ZNF780A: variants seen among roughly 807,000 people sequenced by gnomAD.
ZNF780A encodes the protein zinc finger protein 780A.
Under a neutral mutation model 56.7 loss-of-function variants are expected in ZNF780A, and 40 were observed. That is an observed-to-expected ratio of 0.71 (90% confidence interval 0.55 to 0.92). The LOEUF (loss-of-function observed/expected upper bound fraction) is 0.92. Among genes scored for constraint, ZNF780A ranks in the 40% least tolerant of loss-of-function variants. The probability of loss-of-function intolerance (pLI) is 0.00; values close to 1 mark genes in which losing one functional copy is unlikely to be tolerated. For missense variants in ZNF780A, 672 were observed against 783.3 expected (o/e 0.86, Z 1.70); for synonymous variants, 231 against 248.3 (o/e 0.93, Z 0.66).
intron 5 of ZNF780A, among the ~76,000 whole-genome samples, chr19:40,077,312 T>G (rs751573294): frequency 1.3e-5 from 2 of 152,156 alleles, no homozygotes; most frequent in Non-Finnish European, 2.9e-5. Context: ...TACATGGCGC[T>G]AGCATCTTCT....
At chr19:40,081,766 G>T in intron 5 of ZNF780A, 53 bp downstream of exon 5, 2 of 1,460,630 alleles carry the variant, frequency 1.4e-6, no homozygotes, top group Non-Finnish European at 1.9e-6. Context: ...TCCTTTCTGA[G>T]CACATGTCCA....
chr19:40,086,816 C>G (rs1225388433), intron 2 of ZNF780A, among the ~76,000 whole-genome samples: 10 of 152,070 alleles, frequency 6.6e-5, no homozygotes, highest in Non-Finnish European at 1.5e-5. Context: ...AATTCTCCTG[C>G]CTCAGCCTCC....
chr19:40,076,655 C>G (rs1174344529), intron 5 of ZNF780A, among the ~76,000 whole-genome samples: 1 of 152,128 alleles, frequency 6.6e-6, no homozygotes, highest in Non-Finnish European at 1.5e-5. Context: ...GGGGATCACC[C>G]CACCCCTGCT....
intron 3 of ZNF780A, among the ~76,000 whole-genome samples, chr19:40,083,880 C>T (rs1019366444): frequency 2.6e-5 from 4 of 151,706 alleles, no homozygotes; most frequent in Non-Finnish European, 5.9e-5. Context: ...TAAGGATTTC[C>T]CCAATTCTGA....
downstream of ZNF780A, chr19:40,069,509 A>G (rs1354802335): frequency 6.6e-6 from 1 of 152,216 alleles, no homozygotes; most frequent in African/African-American, 2.4e-5. Context: ...ATTTGGAGGG[A>G]CAAATATCCA....
At chr19:40,076,741 C>T (rs1446377810) in intron 5 of ZNF780A, among the ~76,000 whole-genome samples, 1 of 152,070 alleles carries the variant, frequency 6.6e-6, no homozygotes, top group Non-Finnish European at 1.5e-5. Flanking sequence ...CCCAAGTCCC[C>T]AAGCACACCA....
At position 40,073,428 on chromosome 19, in the gene ZNF780A, T is replaced by C. The variant is rs35198145; in HGVS notation, c.*1088A>G. 0.036 allele frequency: 24,254 copies of C among 666,680 alleles called. 499 individuals are homozygous for C. Among genetic ancestry groups the C allele is most frequent in the Non-Finnish European group, 0.04 (21,691 of 540,286 alleles). The allele number at this position is 666,680 out of a possible 1,614,324, so 41.3% of individuals were successfully genotyped here. A position where few individuals can be genotyped will look rare whatever the true frequency, so the allele number is the denominator to read the frequency against. On this transcript the variant is annotated 3_prime_UTR_variant, in exon 6 of 6. Coordinates refer to ENST00000683561, the MANE Select transcript of ZNF780A (RefSeq NM_001142578.2). ...AAAGACATGAAATGCACACCTGACG[T>C]TGGGAAAATGGACCTGATCGTCTTG...
At position 40,074,392 on chromosome 19, in the gene ZNF780A, G is replaced by T. The variant is rs758122436; in HGVS notation, c.*124C>A. 41 of 1,547,324 alleles carry T rather than the reference G, an allele frequency of 2.6e-5. No individual in the cohort carries two copies. The highest frequency in any genetic ancestry group is 6.1e-5 in the Admixed American group (3 of 49,072). ...AATGAATTTTCTGATGCTGAATAAC[G>T]TTTGAACCACAAATGAAGCCTTTCC... On this transcript the variant is annotated 3_prime_UTR_variant, in exon 6 of 6. Coordinates refer to ENST00000683561, the MANE Select transcript of ZNF780A (RefSeq NM_001142578.2).
At chr19:40,079,360 A>G (rs1416900411) in intron 5 of ZNF780A, among the ~76,000 whole-genome samples, 1 of 152,122 alleles carries the variant, frequency 6.6e-6, no homozygotes, top group Non-Finnish European at 1.5e-5. Flanking sequence ...TTATTAGATC[A>G]AAAGGGAGAG....
At position 40,083,127 on chromosome 19, in the gene ZNF780A, G is replaced by C; in HGVS notation, c.120C>G (p.Ser40Arg). ...LYRDVMLENY[S>R]HLISLGSSIS... ...CGACCTTACCCAGTGAGATCAGGTG[G>C]CTGTAGTTCTCCAACATCACATCCC... The change falls in exon 4 of 6, where the codon AGC becomes AGG. Residue 40 changes from serine (S) to arginine (R), a missense_variant. By Grantham distance (110) the Ser-to-Arg change is moderately radical (BLOSUM62 -1). Coordinates refer to ENST00000683561, the MANE Select transcript of ZNF780A (RefSeq NM_001142578.2). The C allele has an allele frequency of 1.2e-6, 2 of 1,614,178 alleles. No individual in the cohort carries two copies. The highest frequency in any genetic ancestry group is 3.3e-5 in the Admixed American group (2 of 60,022).
At chr19:40,076,934 A>T (rs552873600) in intron 5 of ZNF780A, among the ~76,000 whole-genome samples, 1 of 152,174 alleles carries the variant, frequency 6.6e-6, no homozygotes, top group South Asian at 2.1e-4. Context: ...CTCCAACACT[A>T]AGCACTTACT....
chr19:40,089,259 C>T (rs1209087765), intron 2 of ZNF780A: 4 of 1,420,422 alleles, frequency 2.8e-6, no homozygotes, highest in East Asian at 5.1e-5. Flanking sequence ...TGTATACATA[C>T]CATAAAACTT....
downstream of ZNF780A, chr19:40,071,497 T>C (rs927473549): frequency 6.6e-5 from 10 of 152,230 alleles, no homozygotes; most frequent in East Asian, 1.9e-4. Flanking sequence ...TTGACTTATG[T>C]TGACAACCTT....
At position 40,075,419 on chromosome 19, in the gene ZNF780A, C is replaced by T. The variant is rs372867563; in HGVS notation, c.1023G>A (p.Ala341=). ...GAACAAGCTTTGTCAGAAGAGTAAA[C>T]GCCTTTCCACATTCTTTACATTCAA... ...KPFECKECGK[A]FTLLTKLVRH... Residue 341 remains alanine, a synonymous_variant, in exon 6 of 6, where the codon GCG becomes GCA. Transcript: ENST00000683561. 146 of 1,613,292 alleles carry T rather than the reference C, an allele frequency of 9.0e-5. No individual in the cohort carries two copies. Among genetic ancestry groups the T allele is most frequent in the Middle Eastern group, 3.3e-4 (2 of 6,074 alleles).
At position 40,081,891 on chromosome 19, in the gene ZNF780A, C is replaced by T; in HGVS notation, c.160G>A (p.Val54Ile). ...TTCTCTTGCTCTAGTAACGTAATTA[C>T]ATCTGGTTTAGAAATGGAACTTCCT... is the stretch of plus-strand genomic sequence containing the variant. ...SLGSSISKPD[V>I]ITLLEQEKEP... The change falls in exon 5 of 6, where the codon GTA becomes ATA. Residue 54 changes from valine (V) to isoleucine (I), a missense_variant. Coordinates refer to ENST00000683561, the MANE Select transcript of ZNF780A (RefSeq NM_001142578.2). 1 of 1,608,048 alleles carries T rather than the reference C, an allele frequency of 6.2e-7. No individual in the cohort carries two copies. Among genetic ancestry groups the T allele is most frequent in the Non-Finnish European group, 8.5e-7 (1 of 1,176,296 alleles).
chr19:40,071,495 T>C (rs1049811296), downstream of ZNF780A: 2 of 152,240 alleles, frequency 1.3e-5, no homozygotes, highest in Non-Finnish European at 1.5e-5. Context: ...AGTTGACTTA[T>C]GTTGACAACC....
Position 40,075,729 on chromosome 19 carries a change from C to A in ZNF780A, c.713G>T (p.Arg238Leu), listed in dbSNP as rs778822155. 5 of 1,613,770 alleles carry A rather than the reference C, an allele frequency of 3.1e-6. No individual in the cohort carries two copies. Among genetic ancestry groups the A allele is most frequent in the Non-Finnish European group, 3.4e-6 (4 of 1,179,990 alleles). ...KAFSLLTLLN[R>L]HKNIHTGEKL... ...CTCACCTGTGTGAATGTTCTTATGG[C>A]GATTAAGCAGGGTAAGAAGACTAAA... is the stretch of plus-strand genomic sequence containing the variant. Residue 238 changes from arginine (R) to leucine (L), a missense_variant, in exon 6 of 6, where the codon CGC (arginine) becomes CTC (leucine). Transcript: ENST00000683561.
At chr19:40,083,518 A>G (rs892375628) in intron 3 of ZNF780A, among the ~76,000 whole-genome samples, 4 of 151,786 alleles carry the variant, frequency 2.6e-5, no homozygotes, top group African/African-American at 9.7e-5. Flanking sequence ...TAAATAAGTA[A>G]CTGTGTGTGG....
chr19:40,088,751 CG>C (rs1311584672), intron 2 of ZNF780A, among the ~76,000 whole-genome samples: 4 of 152,120 alleles, frequency 2.6e-5, no homozygotes, highest in African/African-American at 9.7e-5. Flanking sequence ...CATCAACCTA[CG>C]CGTCTAACAA....
Sources: gnomAD v4.1 joint callset for allele counts (sites outside exome capture counted in the v4.1 genomes callset) on GRCh38, gnomAD v4.1.1 for gene constraint, MANE v1.5 for transcripts, NCBI Gene and HGNC (gene_info 2026-07-23, HGNC 2026-07-21) for gene names.